CTDSPL2: variants seen among roughly 807,000 people sequenced by gnomAD.
The protein encoded by CTDSPL2 is CTD small phosphatase like 2, also known as CTD small phosphatase-like protein 2.
A neutral mutation model predicts 60.0 loss-of-function variants in CTDSPL2; 5 were observed. The ratio of observed to expected loss-of-function variants is 0.08; its 90% CI spans 0.04 to 0.18. The LOEUF (loss-of-function observed/expected upper bound fraction) is 0.18, where lower values mean the gene tolerates loss of function less well. Ranked by LOEUF, CTDSPL2 falls within the 10% of genes least tolerant of loss-of-function variation. CTDSPL2 has a pLI of 1.00. For missense variants in CTDSPL2, 370 were observed against 548.8 expected, an observed-to-expected ratio of 0.67 and a Z score of 3.26; for synonymous variants, 186 against 189.3, an observed-to-expected ratio of 0.98 and a Z score of 0.14.
chr15:44,507,700 T>G (rs1233520738), intron 8 of CTDSPL2, among the ~76,000 whole-genome samples: 1 of 152,212 alleles, frequency 6.6e-6, no homozygotes, highest in East Asian at 1.9e-4. Context: ...GTTTGTTATC[T>G]CCCTCTTCCA....
chr15:44,455,186 A>G (rs559979463), intron 1 of CTDSPL2, among the ~76,000 whole-genome samples: 115 of 152,270 alleles, frequency 7.6e-4, no homozygotes, highest in Admixed American at 4.8e-3. Flanking sequence ...CTTTGAAGCA[A>G]TTGTGAATGG....
Position 44,486,603 on chromosome 15 carries a change from A to C in CTDSPL2, c.378A>C (p.Leu126Phe), listed in dbSNP as rs761152365. 1.3e-6 allele frequency: 2 copies of C among 1,592,654 alleles called. No individual in the cohort carries two copies. The highest frequency in any genetic ancestry group is 2.3e-5 in the South Asian group (2 of 85,446). ...AACATGTAAAACAAAATGGAAAATTAGAAGATAATCCTTCCTCTGGCAGTC... is the reference window on the plus strand; with the variant it reads ...AACATGTAAAACAAAATGGAAAATTCGAAGATAATCCTTCCTCTGGCAGTC... ...TNQHVKQNGK[L>F]EDNPSSGSPP... Residue 126 changes from leucine (L) to phenylalanine (F), a missense_variant, in exon 4 of 13, where the codon TTA becomes TTC. Leu to Phe is a conservative substitution (Grantham distance 22, BLOSUM62 0). This residue lies in a region of CTDSPL2 where 287 missense variants were observed against 296.1 expected (regional missense o/e 0.97). Transcript: ENST00000260327.
intron 2 of CTDSPL2, among the ~76,000 whole-genome samples, chr15:44,460,810 A>G (rs2080550749): frequency 6.6e-6 from 1 of 152,208 alleles, no homozygotes; most frequent in African/African-American, 2.4e-5. Flanking sequence ...AAATATTCTA[A>G]TGTTATCATA....
intron 2 of CTDSPL2, among the ~76,000 whole-genome samples, chr15:44,461,971 T>C (rs1199897467): frequency 1.3e-5 from 2 of 151,852 alleles, no homozygotes; most frequent in African/African-American, 4.8e-5. Flanking sequence ...ATTGTTTCTT[T>C]CATTCCCATT....
intron 8 of CTDSPL2, among the ~76,000 whole-genome samples, chr15:44,507,884 G>A (rs1051377968): frequency 1.3e-5 from 2 of 152,026 alleles, no homozygotes; most frequent in African/African-American, 4.8e-5. Context: ...ACTGTTCTAG[G>A]TACTTTACGT....
intron 8 of CTDSPL2, chr15:44,502,083 A>G: frequency 4.9e-6 from 2 of 406,118 alleles, no homozygotes; most frequent in Non-Finnish European, 9.8e-6. Flanking sequence ...CCACTGTACT[A>G]TGATGTGGCC....
At chr15:44,514,166 GTTGT>G (rs1259909320) in intron 8 of CTDSPL2, among the ~76,000 whole-genome samples, 1 of 152,176 alleles carries the variant, frequency 6.6e-6, no homozygotes, top group African/African-American at 2.4e-5. Context: ...TTAGCAGGTG[GTTGT>G]TTGAAGGAAT....
intron 1 of CTDSPL2, among the ~76,000 whole-genome samples, chr15:44,432,681 G>C (rs892398783): frequency 6.6e-6 from 1 of 151,870 alleles, no homozygotes; most frequent in Non-Finnish European, 1.5e-5. Flanking sequence ...GTGCAGTGGC[G>C]CCATCTCAGC....
In CTDSPL2 at chr15:44,465,276, A is replaced by G. The variant is rs890786480; in HGVS notation, c.186+6076A>G. 2.6e-5 allele frequency among the ~76,000 whole-genome samples: 4 copies of G among 152,296 alleles called. No individual in the cohort carries two copies. In the East Asian group the frequency reaches 7.7e-4, roughly 29 times the overall value. On this transcript the variant is annotated intron_variant, in intron 2 of 12. Transcript: ENST00000260327. ...ATGTAATTGAAGGCCTCACAACTAAAATATATTTGTTTTCTACCATGAATC... is the reference window on the plus strand; with the variant it reads ...ATGTAATTGAAGGCCTCACAACTAAGATATATTTGTTTTCTACCATGAATC...
intron 7 of CTDSPL2, among the ~76,000 whole-genome samples, chr15:44,497,610 T>A (rs886488069): frequency 6.6e-6 from 1 of 152,026 alleles, no homozygotes; most frequent in South Asian, 2.1e-4. Flanking sequence ...GACCTCATGA[T>A]CCGCCCGCCT....
intron 8 of CTDSPL2, among the ~76,000 whole-genome samples, chr15:44,512,195 T>TAA (rs567296344): frequency 1.4e-5 from 2 of 143,384 alleles, no homozygotes; most frequent in African/African-American, 2.6e-5. Flanking sequence ...AACCTTGTCT[T>TAA]AAAAAAAAAA....
intron 8 of CTDSPL2, among the ~76,000 whole-genome samples, chr15:44,506,024 A>ATTTTTTTTTTTTTTTT (rs2081456046): frequency 1.5e-5 from 2 of 137,284 alleles, no homozygotes; most frequent in African/African-American, 5.6e-5. Flanking sequence ...TTCATTGGTA[A>ATTTTTTTTTTTTTTTT]CTTTTTTTTT....
chr15:44,437,321 A>G (rs903913657), intron 1 of CTDSPL2, among the ~76,000 whole-genome samples: 2 of 152,190 alleles, frequency 1.3e-5, no homozygotes, highest in African/African-American at 2.4e-5. Flanking sequence ...ACAATGTGCT[A>G]TTTTCTCTTA....
chr15:44,444,076 T>G (rs1401896325), intron 1 of CTDSPL2, among the ~76,000 whole-genome samples: 2 of 151,600 alleles, frequency 1.3e-5, no homozygotes, highest in Non-Finnish European at 2.9e-5. Flanking sequence ...TGGCTAATTT[T>G]TTTAGTTTTT....
intron 2 of CTDSPL2, among the ~76,000 whole-genome samples, chr15:44,481,544 C>G (rs997608209): frequency 6.6e-6 from 1 of 152,126 alleles, no homozygotes; most frequent in African/African-American, 2.4e-5. Flanking sequence ...AGTTCAGCTG[C>G]TACATAGGCA....
intron 2 of CTDSPL2, among the ~76,000 whole-genome samples, chr15:44,475,720 A>G (rs2080903169): frequency 6.6e-6 from 1 of 152,022 alleles, no homozygotes; most frequent in Admixed American, 6.6e-5. Context: ...TAAAGAACTC[A>G]TTATGTATAT....
At chr15:44,464,874 T>C (rs1033948994) in intron 2 of CTDSPL2, among the ~76,000 whole-genome samples, 2 of 151,912 alleles carry the variant, frequency 1.3e-5, no homozygotes, top group Non-Finnish European at 2.9e-5. Flanking sequence ...CCTGGCTACT[T>C]TTTGTATTTT....
intron 8 of CTDSPL2, among the ~76,000 whole-genome samples, chr15:44,513,114 TTATC>T (rs1268631354): frequency 6.6e-5 from 10 of 151,826 alleles, no homozygotes; most frequent in Non-Finnish European, 7.4e-5. Context: ...AAGTAAACCT[TTATC>T]TAGCCCAGAG....
intron 2 of CTDSPL2, among the ~76,000 whole-genome samples, chr15:44,473,972 G>A (rs1445766643): frequency 1.3e-5 from 2 of 152,202 alleles, no homozygotes; most frequent in African/African-American, 4.8e-5. Flanking sequence ...GGGACTACAG[G>A]TTTGCATCAC....
Sources: allele counts gnomAD v4.1 joint callset (sites outside exome capture counted in the v4.1 genomes callset), GRCh38; gene constraint gnomAD v4.1.1; regional missense constraint gnomAD v4.1.1; transcripts MANE v1.5; gene names NCBI Gene and HGNC (gene_info 2026-07-23, HGNC 2026-07-21).